The following LRRC7 variants were observed in gnomAD, a reference collection of about 807,000 sequenced individuals.
LRRC7 encodes leucine rich repeat containing 7, also known as leucine-rich repeat-containing protein 7.
LRRC7 carries 23 observed loss-of-function variants against 175.7 expected under a neutral mutation model. That is an observed-to-expected ratio of 0.13 (90% CI 0.09 to 0.19). The LOEUF (loss-of-function observed/expected upper bound fraction) is 0.19. LRRC7 is among the 10% of genes least tolerant of loss of function. The pLI, the probability that LRRC7 is intolerant of heterozygous loss-of-function variation, is 1.00. For missense variants in LRRC7, 1,354 were observed against 1,904.7 expected (o/e 0.71, Z 5.38); for synonymous variants, 685 against 680.9 (o/e 1.01, Z -0.09).
At chr1:70,013,422 A>T (rs1453147278) in intron 13 of LRRC7, among the ~76,000 whole-genome samples, 2 of 151,872 alleles carry the variant, frequency 1.3e-5, no homozygotes, top group African/African-American at 2.4e-5. Context: ...ATATATTAAT[A>T]AAAATGTGCA....
chr1:70,080,140 G>C (rs1183103332), intron 24 of LRRC7, among the ~76,000 whole-genome samples: 2 of 152,128 alleles, frequency 1.3e-5, no homozygotes, highest in African/African-American at 4.8e-5. Context: ...CTGCCTTATG[G>C]AGTGTTCAAG....
chr1:69,643,700 C>G (rs1468075654), intron 1 of LRRC7, among the ~76,000 whole-genome samples: 1 of 152,084 alleles, frequency 6.6e-6, no homozygotes, highest in South Asian at 2.1e-4. Context: ...TCTCTTTACT[C>G]ATCAGGCTGA....
chr1:70,105,054 T>A (rs906360838), intron 25 of LRRC7, among the ~76,000 whole-genome samples: 1 of 152,156 alleles, frequency 6.6e-6, no homozygotes, highest in Admixed American at 6.6e-5. Context: ...GAGACCCCAG[T>A]AGCAAAGGAG....
chr1:70,046,062 T>A (rs1660306432), intron 22 of LRRC7, among the ~76,000 whole-genome samples: 1 of 152,190 alleles, frequency 6.6e-6, no homozygotes, highest in Middle Eastern at 3.4e-3. Context: ...ATTAAAGAGA[T>A]CTTGGCATGA....
intron 11 of LRRC7, among the ~76,000 whole-genome samples, 159 bp downstream of exon 11, chr1:69,994,792 A>T (rs1169418504): frequency 6.6e-6 from 1 of 152,152 alleles, no homozygotes; most frequent in Admixed American, 6.6e-5. Flanking sequence ...ATATTTGTGT[A>T]TATCTTAATT....
rs1666604896 is a variant in LRRC7, at chr1:70,130,043, A to G, written c.*8156A>G. On this transcript the variant is annotated 3_prime_UTR_variant, in exon 27 of 27. Coordinates refer to ENST00000651989, the MANE Select transcript of LRRC7 (RefSeq NM_001370785.2). ...TTCAGAGCCCAGCTCAAACAGCACT[A>G]GAACCATGAAACCCTCCCTAGTCTT... 6.6e-6 allele frequency: 1 copy of G among 152,334 alleles called. No individual in the cohort carries two copies. The highest frequency in any genetic ancestry group is 3.4e-3 in the Middle Eastern group (1 of 294). 9.4% of individuals were successfully genotyped at this position (152,334 alleles called of 1,614,324 possible).
At chr1:69,657,328 A>G (rs568932922) in intron 1 of LRRC7, among the ~76,000 whole-genome samples, 3 of 151,950 alleles carry the variant, frequency 2.0e-5, no homozygotes, top group Non-Finnish European at 2.9e-5. Flanking sequence ...TTGGAGTTTC[A>G]ATAGCACTAT....
intron 26 of LRRC7, among the ~76,000 whole-genome samples, chr1:70,109,425 A>T (rs1260228757): frequency 1.3e-5 from 2 of 152,216 alleles, no homozygotes; most frequent in African/African-American, 4.8e-5. Context: ...AGCCTGTGCC[A>T]ATGTCACAAT....
chr1:70,076,399 C>A, intron 24 of LRRC7, 101 bp downstream of exon 24: 1 of 1,017,050 alleles, frequency 9.8e-7, no homozygotes, highest in Non-Finnish European at 1.5e-6. Flanking sequence ...GACACAATGC[C>A]ATCACCATGT....
At position 69,828,669 on chromosome 1, in the gene LRRC7, G is replaced by A. The variant is rs1318000159; in HGVS notation, c.500+2843G>A. Among the ~76,000 whole-genome samples the A allele has an allele frequency of 7.9e-5, 12 of 152,134 alleles. No individual in the cohort carries two copies. In the East Asian group the frequency reaches 2.1e-3, roughly 27 times the overall value. On this transcript the variant is annotated intron_variant, in intron 5 of 26. Coordinates refer to ENST00000651989, the MANE Select transcript of LRRC7 (RefSeq NM_001370785.2). ...AAATGATAATCATGGTTGTGCTAAG[G>A]AGGTAAAATTATGAGTTACACTTTT...
chr1:69,888,573 T>A (rs12564581), intron 7 of LRRC7, among the ~76,000 whole-genome samples: 56,415 of 151,936 alleles, frequency 0.37, 12,822 homozygotes, highest in East Asian at 0.55. Flanking sequence ...AAATCACCCG[T>A]CTTCTGCGTC....
intron 8 of LRRC7, among the ~76,000 whole-genome samples, chr1:69,934,157 A>G (rs1172876326): frequency 2.6e-5 from 4 of 152,292 alleles, no homozygotes; most frequent in Non-Finnish European, 4.4e-5. Context: ...TGTCATGTGG[A>G]GGAGAGGAGA....
At chr1:69,822,130 C>T (rs1391645815) in intron 4 of LRRC7, among the ~76,000 whole-genome samples, 3 of 152,106 alleles carry the variant, frequency 2.0e-5, no homozygotes, top group African/African-American at 7.2e-5. Context: ...TCCTCTTGGG[C>T]AGAATTTCTT....
chr1:69,982,560 A>G (rs1441890314), intron 9 of LRRC7, among the ~76,000 whole-genome samples: 2 of 152,212 alleles, frequency 1.3e-5, no homozygotes, highest in Non-Finnish European at 2.9e-5. Flanking sequence ...CTTTGTGAAT[A>G]CTTTTGAATA....
chr1:69,569,947 G>A (rs1271434816), intron 1 of LRRC7, among the ~76,000 whole-genome samples: 1 of 149,284 alleles, frequency 6.7e-6, no homozygotes, highest in East Asian at 2.0e-4. Flanking sequence ...GGTGGGGATC[G>A]GTAAGACACA....
At chr1:70,039,835 T>C in intron 21 of LRRC7, 42 bp downstream of exon 21, 1 of 1,527,108 alleles carries the variant, frequency 6.5e-7, no homozygotes, top group Admixed American at 2.2e-5. Flanking sequence ...CTCCTGCCTT[T>C]AGTGTTACTT....
chr1:70,093,407 T>C (rs1664170280), intron 25 of LRRC7, among the ~76,000 whole-genome samples: 1 of 152,142 alleles, frequency 6.6e-6, no homozygotes. Context: ...CCAGAGGGGT[T>C]AATTAACTTG....
At chr1:69,900,844 C>A (rs1478017007) in intron 7 of LRRC7, among the ~76,000 whole-genome samples, 3 of 152,122 alleles carry the variant, frequency 2.0e-5, no homozygotes, top group Admixed American at 6.5e-5. Context: ...TTTAAAATGG[C>A]TAGCTTTAAT....
At chr1:69,637,879 C>A (rs1009520000) in intron 1 of LRRC7, among the ~76,000 whole-genome samples, 3 of 151,712 alleles carry the variant, frequency 2.0e-5, no homozygotes, top group Non-Finnish European at 2.9e-5. Context: ...AAAGAAAATG[C>A]CACCTTGAGA....
Sources: allele counts gnomAD v4.1 joint callset (sites outside exome capture counted in the v4.1 genomes callset), GRCh38; gene constraint gnomAD v4.1.1; transcripts MANE v1.5; gene names NCBI Gene and HGNC (gene_info 2026-07-23, HGNC 2026-07-21).